Variants in SMPX observed in about 807,000 individuals in gnomAD.
SMPX encodes small muscle protein X-linked, also known as small muscular protein.
In SMPX, 2 loss-of-function variants were observed where a neutral mutation model predicts 6.3. The ratio of observed to expected loss-of-function variants is 0.32; its 90% CI spans 0.13 to 0.99. SMPX has a LOEUF of 0.99. Ranked by LOEUF, SMPX falls within the 50% of genes least tolerant of loss-of-function variation. SMPX has a pLI of 0.49. For synonymous variants in SMPX, 32 were observed against 24.7 expected (o/e 1.30, Z -0.88); for missense variants, 60 against 66.8 (o/e 0.90, Z 0.36).
Position 21,737,644 on chromosome X carries a change from T to C in SMPX, c.186A>G (p.Lys62=). ...ATAGATTGACTGCAGGTCCTGGAAG[T>C]TTCTTCGCTCCTGGAATTGGCTTCT... ...EEKKPIPGAK[K]LPGPAVNLSE... is the part of the protein sequence containing the mutation. The change falls in exon 4 of 5, where the codon AAA becomes AAG. Residue 62 remains lysine, a synonymous_variant. Coordinates refer to ENST00000379494, the MANE Select transcript of SMPX (RefSeq NM_014332.3). 1 of 1,208,618 alleles carries C rather than the reference T, an allele frequency of 8.3e-7. No individual in the cohort carries two copies. Among genetic ancestry groups the C allele is most frequent in the African/African-American group, 1.7e-5 (1 of 57,786 alleles).
At position 21,706,433 on chromosome X, in the gene SMPX, C is replaced by A. The variant is rs908773257; in HGVS notation, c.*15-39G>T. On this transcript the variant is annotated intron_variant, in intron 4 of 4. Transcript: ENST00000379494. ...ACCAAAGGAACCATGAGTTTTTTGC[C>A]TCCAGTGTCATTAAGGCATAATTGA... 3.9e-5 allele frequency: 13 copies of A among 329,978 alleles called. No homozygotes were observed. The Admixed American group carries it at 5.9e-4, about 15-fold the overall frequency. The allele number at this position is 329,978 out of a possible 1,213,427, so 27.2% of individuals were successfully genotyped here.
chrX:21,726,276 T>C (rs1161724189), intron 4 of SMPX, among the ~76,000 whole-genome samples: 1 of 112,209 alleles, frequency 8.9e-6, no homozygotes, highest in Non-Finnish European at 1.9e-5. Context: ...CAGCCCACTC[T>C]GCTATGATCG....
intron 2 of SMPX, among the ~76,000 whole-genome samples, chrX:21,746,245 AC>A (rs1440858172): frequency 9.0e-6 from 1 of 111,695 alleles, no homozygotes; most frequent in Non-Finnish European, 1.9e-5. Context: ...CTCACAACAA[AC>A]TTTTGAGGTT....
intron 4 of SMPX, among the ~76,000 whole-genome samples, chrX:21,729,547 G>T (rs1376510897): frequency 8.9e-6 from 1 of 111,845 alleles, no homozygotes; most frequent in African/African-American, 3.3e-5. Flanking sequence ...GAGAACAAAT[G>T]AGATAGAGTA....
chrX:21,757,541 AT>A (rs1350438258), intron 1 of SMPX, among the ~76,000 whole-genome samples: 1 of 112,131 alleles, frequency 8.9e-6, no homozygotes, highest in African/African-American at 3.2e-5. Flanking sequence ...AATAATTTGC[AT>A]TTTGGTAAAT....
intron 3 of SMPX, among the ~76,000 whole-genome samples, chrX:21,741,429 A>C (rs897549663): frequency 8.9e-6 from 1 of 111,862 alleles, no homozygotes; most frequent in Non-Finnish European, 1.9e-5. Flanking sequence ...GTTATTTCAA[A>C]TCCAAATTTT....
intron 4 of SMPX, among the ~76,000 whole-genome samples, chrX:21,708,530 A>G (rs1461453804): frequency 8.9e-6 from 1 of 112,347 alleles, no homozygotes; most frequent in African/African-American, 3.2e-5. Flanking sequence ...CAAAGTAGCT[A>G]GCTCAAAGTC....
chrX:21,728,717 A>G (rs1160239833), intron 4 of SMPX, among the ~76,000 whole-genome samples: 1 of 112,666 alleles, frequency 8.9e-6, no homozygotes, highest in Non-Finnish European at 1.9e-5. Context: ...GTTTAGTGTG[A>G]CAGATGATGG....
At chrX:21,713,283 A>G (rs1400459759) in intron 4 of SMPX, among the ~76,000 whole-genome samples, 1 of 112,181 alleles carries the variant, frequency 8.9e-6, no homozygotes, top group Non-Finnish European at 1.9e-5. Context: ...GGGTTGAGTC[A>G]CTTGTCCAGG....
At chrX:21,711,391 G>A (rs2092778509) in intron 4 of SMPX, among the ~76,000 whole-genome samples, 1 of 112,017 alleles carries the variant, frequency 8.9e-6, no homozygotes, top group Admixed American at 9.4e-5. Context: ...CCTGTGCCCT[G>A]TTCTCCTGTA....
rs778352579 is a variant in SMPX at position 21,755,212 on chromosome X, T to C, written c.-12-910A>G. Among the ~76,000 whole-genome samples, 7 of 112,425 alleles carry C rather than the reference T, an allele frequency of 6.2e-5. No individual in the cohort carries two copies. The East Asian group carries it at 1.7e-3, about 27-fold the overall frequency. On this transcript the variant is annotated intron_variant, in intron 1 of 4. Coordinates refer to ENST00000379494, the MANE Select transcript of SMPX (RefSeq NM_014332.3). The stretch of plus-strand genomic sequence containing the variant: ...GCCTATTAAATGTCAGCAGGACCAA[T>C]TGAAAAATTAAAAATTCATTGAATT...
chrX:21,713,258 A>G (rs950468614), intron 4 of SMPX, among the ~76,000 whole-genome samples: 2 of 112,154 alleles, frequency 1.8e-5, no homozygotes, highest in African/African-American at 6.5e-5. Flanking sequence ...GAAATTAGGA[A>G]ATTCAGATCC....
intron 3 of SMPX, 74 bp from the exon 4 acceptor site, chrX:21,737,771 G>GA (rs1411405568): frequency 5.9e-4 from 605 of 1,024,406 alleles, no homozygotes; most frequent in Non-Finnish European, 7.0e-4. Flanking sequence ...GCATGAACCA[G>GA]AAAAAAAAAT....
chrX:21,756,594 G>A (rs1204531674), intron 1 of SMPX, among the ~76,000 whole-genome samples: 1 of 112,633 alleles, frequency 8.9e-6, no homozygotes, highest in African/African-American at 3.2e-5. Flanking sequence ...AGAAATCAGG[G>A]CAAAGCATAC....
At chrX:21,756,152 T>A in intron 1 of SMPX, among the ~76,000 whole-genome samples, 1 of 112,508 alleles carries the variant, frequency 8.9e-6, no homozygotes, top group Non-Finnish European at 1.9e-5. Flanking sequence ...TCTGTGTGTG[T>A]ACAACTAAAG....
intron 2 of SMPX, 115 bp downstream of exon 2, chrX:21,754,131 C>T (rs2147396386): frequency 2.9e-6 from 2 of 684,320 alleles, no homozygotes; most frequent in East Asian, 3.2e-5. Context: ...TTGTACCTTA[C>T]AAATCTTATG....
chrX:21,748,392 T>C (rs1395430404), intron 2 of SMPX, among the ~76,000 whole-genome samples: 1 of 112,187 alleles, frequency 8.9e-6, no homozygotes, highest in East Asian at 2.8e-4. Context: ...AATGACTCAA[T>C]TGTAATCTCA....
chrX:21,753,690 C>G (rs1230266477), intron 2 of SMPX, among the ~76,000 whole-genome samples: 2 of 112,009 alleles, frequency 1.8e-5, no homozygotes, highest in Admixed American at 9.5e-5. Context: ...TTTCCAAATG[C>G]CTGCTTCCTC....
intron 4 of SMPX, among the ~76,000 whole-genome samples, chrX:21,719,651 C>A (rs2092789488): frequency 1.8e-5 from 2 of 112,069 alleles, no homozygotes; most frequent in South Asian, 3.7e-4. Context: ...ATCACTCAAA[C>A]AATGGATTTT....
Sources: allele counts gnomAD v4.1 joint callset (sites outside exome capture counted in the v4.1 genomes callset), GRCh38; gene constraint gnomAD v4.1.1; transcripts MANE v1.5; gene names NCBI Gene and HGNC (gene_info 2026-07-23, HGNC 2026-07-21).